The following PTRH2 variants were observed in gnomAD, a reference collection of about 807,000 sequenced individuals.
The protein encoded by PTRH2 is peptidyl-tRNA hydrolase 2, mitochondrial.
Under a neutral mutation model 12.3 loss-of-function variants are expected in PTRH2, and 10 were observed. That is an observed-to-expected ratio of 0.81 (90% CI 0.50 to 1.38). The LOEUF is 1.38. Among genes scored for constraint, PTRH2 ranks in the 40% most tolerant of loss-of-function variants. The pLI, the probability that PTRH2 is intolerant of heterozygous loss-of-function variation, is 0.00. For synonymous variants in PTRH2, 73 were observed against 77.4 expected (o/e 0.94, Z 0.30); for missense variants, 176 against 214.1 (o/e 0.82, Z 1.11).
chr17:59,697,426 T>A lies in PTRH2; in HGVS notation c.*13A>T. 6.3e-7 allele frequency: 1 copy of A among 1,595,740 alleles called. No individual in the cohort carries two copies. Among genetic ancestry groups the A allele is most frequent in the Non-Finnish European group, 8.6e-7 (1 of 1,167,552 alleles). ...ACTTGTGATGGAGGGGTTGTTGTCA[T>A]ATCAAAGTCCACCTAGTAAAGTTTT... is the stretch of plus-strand genomic sequence containing the variant. On this transcript the variant is annotated 3_prime_UTR_variant, in exon 2 of 2. Transcript: ENST00000393038.
intron 1 of PTRH2, chr17:59,698,413 C>T (rs2033489959): frequency 4.6e-6 from 1 of 216,648 alleles, no homozygotes; most frequent in Non-Finnish European, 9.3e-6. Flanking sequence ...AGAAGAACCT[C>T]ACTGTCACAT....
chr17:59,705,242 G>A (rs180675182), intron 1 of PTRH2, among the ~76,000 whole-genome samples: 86 of 152,212 alleles, frequency 5.7e-4, no homozygotes, highest in African/African-American at 1.9e-3. Context: ...ACTACATTCC[G>A]GTACTATCTG....
chr17:59,698,875 A>C, intron 1 of PTRH2: 3 of 716,736 alleles, frequency 4.2e-6, no homozygotes. Context: ...ACTCACCATT[A>C]ATTTACACAG....
chr17:59,699,461 G>A (rs1284060124), intron 1 of PTRH2: 1 of 154,388 alleles, frequency 6.5e-6, no homozygotes, highest in Non-Finnish European at 1.4e-5. Context: ...GACGCCTTTT[G>A]AAGCGCTGGA....
rs758228273 is a variant in PTRH2, at chr17:59,697,900, T to C, written c.79A>G (p.Met27Val). The change falls in exon 2 of 2, where the codon ATG becomes GTG. Residue 27 changes from methionine (M) to valine (V), a missense_variant. By Grantham distance (21) the Met-to-Val change is conservative. Transcript: ENST00000393038. ...LGLAVGVACG[M>V]CLGWSLRVCF... is the part of the protein sequence containing the mutation. The stretch of plus-strand genomic sequence containing the variant: ...ACTCGAAGGCTCCAGCCCAGGCACA[T>C]GCCACAAGCAACTCCAACAGCCAAG... 1.2e-6 allele frequency: 2 copies of C among 1,614,082 alleles called. No individual in the cohort carries two copies. Among genetic ancestry groups the C allele is most frequent in the Non-Finnish European group, 1.7e-6 (2 of 1,180,006 alleles).
At chr17:59,699,142 C>T (rs2033508969) in intron 1 of PTRH2, 1 of 321,678 alleles carries the variant, frequency 3.1e-6, no homozygotes, top group African/African-American at 9.7e-5. Context: ...GCAAGAGCAT[C>T]CTGTATCTGC....
chr17:59,706,431 A>G (rs1230607344), intron 1 of PTRH2, among the ~76,000 whole-genome samples: 1 of 151,974 alleles, frequency 6.6e-6, no homozygotes, highest in Non-Finnish European at 1.5e-5. Flanking sequence ...GGCTCAAGCA[A>G]TCCTCCTGTC....
rs1361801649 is a variant in PTRH2 at position 59,697,969 on chromosome 17, T to C, written c.10A>G (p.Lys4Glu). The change falls in exon 2 of 2, where the codon AAA (lysine) becomes GAA (glutamate). Residue 4 changes from lysine to glutamate, a missense_variant. Transcript: ENST00000393038. MPSKSLVMEYLAHP... is the reference protein window; with the variant it reads MPSESLVMEYLAHP... ...GCCAAATATTCCATAACCAAGGATT[T>C]GGAGGGCATCTTAAAGGAAAGGAAA... 9.3e-6 allele frequency: 15 copies of C among 1,611,632 alleles called. No individual in the cohort carries two copies. The highest frequency in any genetic ancestry group is 1.3e-5 in the Non-Finnish European group (15 of 1,179,286).
At chr17:59,698,066 C>T in intron 1 of PTRH2, 88 bp from the exon 2 acceptor site, 1 of 1,342,564 alleles carries the variant, frequency 7.4e-7, no homozygotes, top group Non-Finnish European at 1.0e-6. Flanking sequence ...TGACTATACA[C>T]TTAATGGTCA....
chr17:59,697,601 C>T lies in PTRH2; in HGVS notation c.378G>A (p.Leu126=), dbSNP rs754500972. Residue 126 remains leucine, a synonymous_variant, in exon 2 of 2, where the codon CTG becomes CTA. Transcript: ENST00000393038. The part of the protein sequence containing the change: ...VVVKAPDEET[L]IALLAHAKML... ...TTTTTGCATGGGCCAATAATGCAATCAGGGTTTCTTCATCAGGAGCTTTGA... is the reference window on the plus strand; with the variant it reads ...TTTTTGCATGGGCCAATAATGCAATTAGGGTTTCTTCATCAGGAGCTTTGA... 1.2e-6 allele frequency: 2 copies of T among 1,614,182 alleles called. No individual in the cohort carries two copies. The highest frequency in any genetic ancestry group is 1.1e-5 in the South Asian group (1 of 91,090).
At position 59,698,665 on chromosome 17, in the gene PTRH2, A is replaced by C. The variant is rs191796576; in HGVS notation, c.1-687T>G. The C allele has an allele frequency of 1.1e-5, 6 of 535,342 alleles. No individual in the cohort carries two copies. In the Admixed American group the frequency reaches 2.2e-4, roughly 19 times the overall value. The allele number at this position is 535,342 out of a possible 1,614,324, so 33.2% of individuals were successfully genotyped here. ...TATCCCAATTAACCCAATTAATTGA[A>C]AATACTGTAAGCCAAAAATGCATTT... On this transcript the variant is annotated intron_variant, in intron 1 of 1. Transcript: ENST00000393038.
chr17:59,697,529 C>T lies in PTRH2; in HGVS notation c.450G>A (p.Gln150=). 1 of 1,614,204 alleles carries T rather than the reference C, an allele frequency of 6.2e-7. No individual in the cohort carries two copies. The highest frequency in any genetic ancestry group is 8.5e-7 in the Non-Finnish European group (1 of 1,180,038). ...GGACAGTTTGAGAGCCTGGTGCAAT[C>T]TGAGTACGTCCAGCATCTTGAATTA... The part of the protein sequence containing the change: ...VSLIQDAGRT[Q]IAPGSQTVLG... Residue 150 remains glutamine, a synonymous_variant, in exon 2 of 2, where the codon CAG becomes CAA. Transcript: ENST00000393038.
At position 59,697,549 on chromosome 17, in the gene PTRH2, G is replaced by T; in HGVS notation, c.430C>A (p.Gln144Lys). ...KMLGLTVSLIQDAGRTQIAPG... is the reference protein window; with the variant it reads ...KMLGLTVSLIKDAGRTQIAPG... ...GCAATCTGAGTACGTCCAGCATCTT[G>T]AATTAAACTTACAGTCAGTCCCAGC... The change falls in exon 2 of 2, where the codon CAA becomes AAA. Residue 144 changes from glutamine to lysine, a missense_variant. By Grantham distance (53) the Gln-to-Lys change is moderately conservative (BLOSUM62 1). Coordinates refer to ENST00000393038, the MANE Select transcript of PTRH2 (RefSeq NM_016077.5). 6.2e-7 allele frequency: 1 copy of T among 1,614,174 alleles called. No homozygotes were observed. Among genetic ancestry groups the T allele is most frequent in the Non-Finnish European group, 8.5e-7 (1 of 1,180,028 alleles).
chr17:59,698,433 T>C, intron 1 of PTRH2: 1 of 221,354 alleles, frequency 4.5e-6, no homozygotes, highest in Non-Finnish European at 9.0e-6. Flanking sequence ...TTAATGGGCC[T>C]GGAGTGAGGT....
chr17:59,698,982 T>G, intron 1 of PTRH2: 1 of 689,226 alleles, frequency 1.5e-6, no homozygotes. Flanking sequence ...TTCTCTCTCT[T>G]CTGATGAACA....
chr17:59,697,469 G>T lies in PTRH2; in HGVS notation c.510C>A (p.Asp170Glu), dbSNP rs139613914. 16 of 1,612,510 alleles carry T rather than the reference G, an allele frequency of 9.9e-6. No individual in the cohort carries two copies. The East Asian group carries it at 2.2e-4, about 22-fold the overall frequency. ...GIGPGPADLI[D>E]KVTGHLKLY is the part of the protein sequence containing the mutation. ...AAAGTTTTAGGTGACCAGTGACTTT[G>T]TCAATTAGGTCTGCTGGTCCTGGCC... Residue 170 changes from aspartate to glutamate, a missense_variant, in exon 2 of 2, where the codon GAC becomes GAA. Physicochemically the swap from Asp to Glu is conservative, Grantham distance 45. Coordinates refer to ENST00000393038, the MANE Select transcript of PTRH2 (RefSeq NM_016077.5).
intron 1 of PTRH2, among the ~76,000 whole-genome samples, chr17:59,703,289 A>G (rs1213210468): frequency 6.6e-6 from 1 of 151,572 alleles, no homozygotes; most frequent in Non-Finnish European, 1.5e-5. Context: ...CCTCCCATGT[A>G]GCTACATTTA....
At chr17:59,698,534 A>T (rs1274538085) in intron 1 of PTRH2, 2 of 245,512 alleles carry the variant, frequency 8.1e-6, no homozygotes, top group Non-Finnish European at 1.6e-5. Context: ...CAGCTGAAAA[A>T]CTTAATAACT....
In PTRH2 at chr17:59,697,982, A is replaced by G. The variant is rs766187294; in HGVS notation, c.1-4T>C. 71 of 1,608,342 alleles carry G rather than the reference A, an allele frequency of 4.4e-5. No individual in the cohort carries two copies. The highest frequency in any genetic ancestry group is 1.3e-4 in the South Asian group (12 of 91,064). On this transcript the variant is annotated splice_region_variant and splice_polypyrimidine_tract_variant and intron_variant, in intron 1 of 1. Coordinates refer to ENST00000393038, the MANE Select transcript of PTRH2 (RefSeq NM_016077.5). ...TAACCAAGGATTTGGAGGGCATCTT[A>G]AAGGAAAGGAAAACAGTTATCACTA... is the stretch of plus-strand genomic sequence containing the variant.
Sources: gnomAD v4.1 joint callset for allele counts (sites outside exome capture counted in the v4.1 genomes callset) on GRCh38, gnomAD v4.1.1 for gene constraint, MANE v1.5 for transcripts, NCBI Gene and HGNC (gene_info 2026-07-23, HGNC 2026-07-21) for gene names.